The following SYNJ1 variants were observed in gnomAD, a reference collection of about 807,000 sequenced individuals.
SYNJ1 encodes polyphosphatidylinositol phosphatase SYNJ1.
A neutral mutation model predicts 168.2 loss-of-function variants in SYNJ1; 78 were observed. That is an observed-to-expected ratio of 0.46 (90% CI 0.39 to 0.56). The LOEUF (loss-of-function observed/expected upper bound fraction) is 0.56. SYNJ1 is among the 20% of genes least tolerant of loss of function. The pLI is 0.00. For synonymous variants in SYNJ1, 539 were observed against 548.6 expected (o/e 0.98, Z 0.24); for missense variants, 1,303 against 1,597.6 (o/e 0.82, Z 3.14).
Position 32,650,301 on chromosome 21 carries a change from T to C in SYNJ1, c.2920A>G (p.Ile974Val), listed in dbSNP as rs2040227888. Reference sequence around the variant, plus strand: ...CTCATTTCTTCTTCCAAATTTTTGATCCAGTCTGGACTTTTTAAAGCAATA... The same window carrying C: ...CTCATTTCTTCTTCCAAATTTTTGACCCAGTCTGGACTTTTTAAAGCAATA... ...ITIALKSPDW[I>V]KNLEEEMSLE... Residue 974 changes from isoleucine to valine, a missense_variant, in exon 23 of 33, where the codon ATC becomes GTC. Coordinates refer to ENST00000674351, the MANE Select transcript of SYNJ1 (RefSeq NM_203446.3). 1 of 1,613,968 alleles carries C rather than the reference T, an allele frequency of 6.2e-7. No homozygotes were observed. The highest frequency in any genetic ancestry group is 8.5e-7 in the Non-Finnish European group (1 of 1,179,992).
chr21:32,646,073 T>C, intron 24 of SYNJ1: 1 of 706,594 alleles, frequency 1.4e-6, no homozygotes, highest in South Asian at 1.5e-5. Flanking sequence ...ATTGTTTGAG[T>C]TAAGCCATTT....
intron 32 of SYNJ1, among the ~76,000 whole-genome samples, chr21:32,632,646 A>G (rs1462079929): frequency 1.3e-5 from 2 of 152,142 alleles, no homozygotes; most frequent in Non-Finnish European, 2.9e-5. Flanking sequence ...TTAGCCTCCC[A>G]AAGTGTCAGG....
chr21:32,727,767 G>A, intron 1 of SYNJ1, 179 bp downstream of exon 1: 1 of 1,319,886 alleles, frequency 7.6e-7, no homozygotes, highest in South Asian at 1.6e-5. Context: ...GCGGCACCCC[G>A]CACAACCAGT....
chr21:32,645,501 G>T, intron 25 of SYNJ1, 145 bp downstream of exon 25: 1 of 1,203,676 alleles, frequency 8.3e-7, no homozygotes, highest in Non-Finnish European at 1.1e-6. Flanking sequence ...CGCCTACCAT[G>T]TTCTTTAGAG....
intron 31 of SYNJ1, among the ~76,000 whole-genome samples, chr21:32,638,070 TTTATTA>T (rs979235877): frequency 1.3e-5 from 2 of 152,144 alleles, no homozygotes; most frequent in African/African-American, 4.8e-5. Flanking sequence ...TTTTTATTTA[TTTATTA>T]TTATTTTTGG....
chr21:32,653,150 A>G (rs2040335557), intron 22 of SYNJ1, 138 bp downstream of exon 22: 3 of 675,978 alleles, frequency 4.4e-6, no homozygotes, highest in Non-Finnish European at 7.3e-6. Context: ...AATAAAAAAC[A>G]TTAAATAACT....
chr21:32,670,157 T>A (rs922875857), intron 15 of SYNJ1, 131 bp downstream of exon 15: 2 of 639,218 alleles, frequency 3.1e-6, no homozygotes, highest in Non-Finnish European at 5.2e-6. Context: ...TGAGAAATGC[T>A]CTTTTACAGT....
chr21:32,676,581 A>G (rs1481889222), intron 12 of SYNJ1, among the ~76,000 whole-genome samples: 1 of 152,180 alleles, frequency 6.6e-6, no homozygotes, highest in Non-Finnish European at 1.5e-5. Flanking sequence ...AGTGATATCC[A>G]CCGTTTCACC....
intron 4 of SYNJ1, 57 bp from the exon 5 acceptor site, chr21:32,695,339 C>A: frequency 6.8e-7 from 1 of 1,468,398 alleles, no homozygotes; most frequent in Non-Finnish European, 9.2e-7. Flanking sequence ...CAAAGTATGA[C>A]TTTTAAAATA....
intron 2 of SYNJ1, among the ~76,000 whole-genome samples, chr21:32,718,427 A>G (rs1489620247): frequency 6.6e-6 from 1 of 152,232 alleles, no homozygotes; most frequent in South Asian, 2.1e-4. Flanking sequence ...ACAGGGGCAC[A>G]TAAAAAAAGA....
upstream of SYNJ1, chr21:32,728,193 C>A (rs548165146): frequency 1.3e-3 from 1,143 of 887,672 alleles, 1 homozygote; most frequent in Middle Eastern, 3.2e-3. Context: ...CTCCTGCGGC[C>A]GCCCCCAGGC....
chr21:32,657,608 G>T, intron 19 of SYNJ1, 108 bp downstream of exon 19: 1 of 1,024,950 alleles, frequency 9.8e-7, no homozygotes, highest in Non-Finnish European at 1.3e-6. Context: ...TTCTATTCCA[G>T]TTAATGTTTC....
intron 14 of SYNJ1, among the ~76,000 whole-genome samples, chr21:32,671,983 C>A (rs1025453193): frequency 7.5e-6 from 1 of 133,756 alleles, no homozygotes. Context: ...CGTTTGAACT[C>A]GGGAGGTAGA....
chr21:32,648,841 C>T (rs144987063), intron 23 of SYNJ1, among the ~76,000 whole-genome samples: 4 of 152,280 alleles, frequency 2.6e-5, no homozygotes, highest in South Asian at 2.1e-4. Flanking sequence ...TCAACATATC[C>T]GAAACAAAAT....
intron 18 of SYNJ1, among the ~76,000 whole-genome samples, chr21:32,663,061 T>C (rs2040779488): frequency 6.6e-6 from 1 of 152,132 alleles, no homozygotes; most frequent in Admixed American, 6.5e-5. Flanking sequence ...AAGAAATTTG[T>C]TTTTGCAATT....
At chr21:32,645,861 T>C (rs1429638975) in intron 24 of SYNJ1, 72 bp from the exon 25 acceptor site, 3 of 1,514,464 alleles carry the variant, frequency 2.0e-6, no homozygotes, top group Non-Finnish European at 2.7e-6. Context: ...GTCCTTCATA[T>C]ATATGTGTAA....
At chr21:32,658,559 A>G (rs2145864344) in intron 18 of SYNJ1, 1 of 152,364 alleles carries the variant, frequency 6.6e-6, no homozygotes, top group African/African-American at 2.4e-5. Context: ...AGGCTGTCGC[A>G]CTGACCCCCC....
Position 32,678,776 on chromosome 21 carries a change from G to T in SYNJ1, c.1379C>A (p.Thr460Asn). The change falls in exon 12 of 33, where the codon ACC (threonine) becomes AAC (asparagine). Residue 460 changes from threonine to asparagine, a missense_variant. Coordinates refer to ENST00000674351, the MANE Select transcript of SYNJ1 (RefSeq NM_203446.3). ...AKLKDGARSV[T>N]RTIQNNFFDS... Reference sequence around the variant, plus strand: ...AAAGAAGTTATTCTGAATTGTTCGGGTAACAGAGCGAGCACCATCTTTTAA... The same window carrying T: ...AAAGAAGTTATTCTGAATTGTTCGGTTAACAGAGCGAGCACCATCTTTTAA... 1 of 1,611,978 alleles carries T rather than the reference G, an allele frequency of 6.2e-7. No homozygotes were observed. The highest frequency in any genetic ancestry group is 1.1e-5 in the South Asian group (1 of 90,622).
Position 32,695,055 on chromosome 21 carries a change from A to G in SYNJ1, c.705+2T>C. 1 of 1,613,644 alleles carries G rather than the reference A, an allele frequency of 6.2e-7. No homozygotes were observed. The highest frequency in any genetic ancestry group is 8.5e-7 in the Non-Finnish European group (1 of 1,179,554). ...TTAAGTAATATAAAACACTATATAT[A>G]CCTGTTCTGTTTCTACAAAATTGGC... is the stretch of plus-strand genomic sequence containing the variant. On this transcript the variant is annotated splice_donor_variant, in intron 5 of 32. Coordinates refer to ENST00000674351, the MANE Select transcript of SYNJ1 (RefSeq NM_203446.3). LOFTEE classifies it high-confidence loss of function.
Sources: gnomAD v4.1 joint callset for allele counts (sites outside exome capture counted in the v4.1 genomes callset) on GRCh38, gnomAD v4.1.1 for gene constraint, MANE v1.5 for transcripts, NCBI Gene and HGNC (gene_info 2026-07-23, HGNC 2026-07-21) for gene names.